The following SGCZ variants were observed in gnomAD, a reference collection of about 807,000 sequenced individuals.
The protein encoded by SGCZ is sarcoglycan zeta, also known as zeta-sarcoglycan.
In SGCZ, 40 loss-of-function variants were observed where a neutral mutation model predicts 41.3. The observed-to-expected ratio is 0.97, with a 90% confidence interval of 0.75 to 1.26. The LOEUF is 1.26. Among genes scored for constraint, SGCZ ranks in the 50% most tolerant of loss-of-function variants. The pLI, the probability that SGCZ is intolerant of heterozygous loss-of-function variation, is 0.00. For missense variants in SGCZ, 552 were observed against 369.8 expected (o/e 1.49, Z -4.04); for synonymous variants, 206 against 137.5 (o/e 1.50, Z -3.49).
intron 1 of SGCZ, among the ~76,000 whole-genome samples, chr8:14,958,935 C>T (rs1048944352): frequency 2.0e-5 from 3 of 152,044 alleles, no homozygotes; most frequent in African/African-American, 7.2e-5. Context: ...GACAGATTCT[C>T]TAAAACTCTT....
intron 5 of SGCZ, among the ~76,000 whole-genome samples, chr8:14,138,866 A>G (rs1253359307): frequency 6.6e-6 from 1 of 152,150 alleles, no homozygotes; most frequent in East Asian, 1.9e-4. Context: ...AGAACTCTCC[A>G]CCCCAAATCA....
intron 2 of SGCZ, among the ~76,000 whole-genome samples, chr8:14,487,276 A>G (rs755420149): frequency 2.0e-4 from 30 of 152,224 alleles, no homozygotes; most frequent in Non-Finnish European, 3.5e-4. Flanking sequence ...TCTAAATAAG[A>G]ATATGAAACC....
At chr8:14,932,962 T>A (rs1192219257) in intron 1 of SGCZ, among the ~76,000 whole-genome samples, 1 of 151,862 alleles carries the variant, frequency 6.6e-6, no homozygotes, top group Non-Finnish European at 1.5e-5. Flanking sequence ...GAAAACCAAA[T>A]ACCACATGTT....
chr8:15,007,538 C>T (rs982084847), intron 1 of SGCZ, among the ~76,000 whole-genome samples: 2 of 152,146 alleles, frequency 1.3e-5, no homozygotes, highest in Admixed American at 6.6e-5. Context: ...TGACTGACAG[C>T]GTAACTCAAG....
chr8:15,039,511 A>G (rs1803997861), intron 1 of SGCZ, among the ~76,000 whole-genome samples: 1 of 152,218 alleles, frequency 6.6e-6, no homozygotes, highest in Admixed American at 6.5e-5. Context: ...GCAAAATGTC[A>G]GTTACAGAGG....
At chr8:14,806,441 T>C (rs1365095249) in intron 1 of SGCZ, among the ~76,000 whole-genome samples, 3 of 151,622 alleles carry the variant, frequency 2.0e-5, no homozygotes, top group African/African-American at 7.3e-5. Context: ...CATCAGAGAA[T>C]ACTACAAACA....
intron 2 of SGCZ, among the ~76,000 whole-genome samples, chr8:14,478,346 G>C (rs930434476): frequency 3.3e-5 from 5 of 152,146 alleles, no homozygotes; most frequent in Admixed American, 3.3e-4. Context: ...ATAGTATTCA[G>C]CATTAAAAAC....
intron 2 of SGCZ, among the ~76,000 whole-genome samples, chr8:14,396,202 A>G (rs1046080000): frequency 6.6e-6 from 1 of 152,146 alleles, no homozygotes; most frequent in Non-Finnish European, 1.5e-5. Context: ...TAACTCTTAT[A>G]TCTGCTTCTT....
At chr8:14,966,298 G>C (rs938579566) in intron 1 of SGCZ, among the ~76,000 whole-genome samples, 3 of 151,646 alleles carry the variant, frequency 2.0e-5, no homozygotes, top group African/African-American at 7.3e-5. Flanking sequence ...AAGAGGAGAT[G>C]ATAGGCTATC....
chr8:14,427,274 A>C (rs184247860), intron 2 of SGCZ, among the ~76,000 whole-genome samples: 1 of 152,230 alleles, frequency 6.6e-6, no homozygotes, highest in African/African-American at 2.4e-5. Flanking sequence ...CTATACAACA[A>C]ACCCCCATGA....
chr8:15,033,574 A>T (rs1803764264), intron 1 of SGCZ, among the ~76,000 whole-genome samples: 1 of 151,402 alleles, frequency 6.6e-6, no homozygotes, highest in African/African-American at 2.4e-5. Context: ...GTACACCAAG[A>T]CTCCAGGACG....
At chr8:15,169,412 C>A (rs1162357828) in intron 1 of SGCZ, among the ~76,000 whole-genome samples, 1 of 152,158 alleles carries the variant, frequency 6.6e-6, no homozygotes, top group African/African-American at 2.4e-5. Flanking sequence ...GTAGGAAACT[C>A]TCTAGCAGGG....
At chr8:14,320,771 A>G (rs941454838) in intron 3 of SGCZ, among the ~76,000 whole-genome samples, 10 of 152,096 alleles carry the variant, frequency 6.6e-5, no homozygotes, top group Non-Finnish European at 7.4e-5. Context: ...TCTGTCATGT[A>G]GGAAGCTGGG....
intron 1 of SGCZ, among the ~76,000 whole-genome samples, chr8:15,164,895 G>A (rs1339964505): frequency 6.6e-6 from 1 of 152,018 alleles, no homozygotes; most frequent in African/African-American, 2.4e-5. Flanking sequence ...GCTTCTTTCT[G>A]GTTTGATACC....
intron 1 of SGCZ, among the ~76,000 whole-genome samples, chr8:14,763,050 T>A (rs1339838878): frequency 6.6e-6 from 1 of 152,164 alleles, no homozygotes. Flanking sequence ...ACAATAAGAA[T>A]TAAAAATAAA....
intron 1 of SGCZ, among the ~76,000 whole-genome samples, chr8:14,586,440 TG>T (rs1310536040): frequency 2.0e-5 from 3 of 152,160 alleles, no homozygotes; most frequent in Non-Finnish European, 2.9e-5. Flanking sequence ...TCTTGACTCT[TG>T]GGCTCAAGCA....
intron 3 of SGCZ, among the ~76,000 whole-genome samples, chr8:14,250,491 A>G (rs567652845): frequency 6.6e-6 from 1 of 152,278 alleles, no homozygotes; most frequent in African/African-American, 2.4e-5. Flanking sequence ...CAGAAGTGAT[A>G]TAGGACATTT....
intron 2 of SGCZ, among the ~76,000 whole-genome samples, chr8:14,370,549 T>G (rs1803874190): frequency 6.6e-6 from 1 of 151,970 alleles, no homozygotes; most frequent in African/African-American, 2.4e-5. Flanking sequence ...TACCTAAATC[T>G]TTATATTCTT....
At chr8:14,131,743 G>A (rs930642895) in intron 5 of SGCZ, among the ~76,000 whole-genome samples, 6 of 152,104 alleles carry the variant, frequency 3.9e-5, no homozygotes, top group Admixed American at 6.6e-5. Context: ...ATTTTAGTCA[G>A]CAACAGATAA....
Sources: allele counts gnomAD v4.1 joint callset (sites outside exome capture counted in the v4.1 genomes callset), GRCh38; gene constraint gnomAD v4.1.1; transcripts MANE v1.5; gene names NCBI Gene and HGNC (gene_info 2026-07-23, HGNC 2026-07-21).